Variants in KCNQ5 observed in about 807,000 individuals in gnomAD.
KCNQ5 encodes potassium voltage-gated channel subfamily Q member 5, also known as potassium voltage-gated channel subfamily KQT member 5.
A neutral mutation model predicts 98.2 loss-of-function variants in KCNQ5; 30 were observed. That is an observed-to-expected ratio of 0.31 (90% CI 0.23 to 0.41). KCNQ5 has a LOEUF of 0.41. Ranked by LOEUF, KCNQ5 falls within the 10% of genes least tolerant of loss-of-function variation. KCNQ5 has a pLI of 1.00. For synonymous variants in KCNQ5, 458 were observed against 449.4 expected (o/e 1.02, Z -0.24); for missense variants, 835 against 1,182.5 (o/e 0.71, Z 4.31).
intron 3 of KCNQ5, among the ~76,000 whole-genome samples, chr6:73,067,523 T>C (rs1773107379): frequency 6.6e-6 from 1 of 152,170 alleles, no homozygotes; most frequent in South Asian, 2.1e-4. Flanking sequence ...GCAAGATTAA[T>C]AGGCCCAAGG....
intron 1 of KCNQ5, chr6:72,987,821 G>GTT (rs34483022): frequency 9.2e-4 from 327 of 355,580 alleles, no homozygotes; most frequent in Non-Finnish European, 1.4e-3. Flanking sequence ...GAGATTACAA[G>GTT]TTTTTTTTGG....
intron 10 of KCNQ5, among the ~76,000 whole-genome samples, chr6:73,140,063 A>G (rs1346326934): frequency 6.6e-6 from 1 of 152,182 alleles, no homozygotes; most frequent in Non-Finnish European, 1.5e-5. Context: ...GAAAATATCA[A>G]GATCACTGAA....
At chr6:72,724,091 T>C (rs1770131045) in intron 1 of KCNQ5, among the ~76,000 whole-genome samples, 1 of 152,222 alleles carries the variant, frequency 6.6e-6, no homozygotes, top group Non-Finnish European at 1.5e-5. Flanking sequence ...TTTATATAGA[T>C]GTTTTCTCTG....
intron 7 of KCNQ5, among the ~76,000 whole-genome samples, chr6:73,119,182 A>G (rs1775643003): frequency 6.6e-6 from 1 of 152,220 alleles, no homozygotes; most frequent in Non-Finnish European, 1.5e-5. Context: ...CAAAATCTAT[A>G]TGGGAAAGTA....
chr6:72,718,117 GTGAAGAGTTTACCCTGTAT>G (rs1232970108), intron 1 of KCNQ5, among the ~76,000 whole-genome samples: 1 of 152,140 alleles, frequency 6.6e-6, no homozygotes, highest in Non-Finnish European at 1.5e-5. Flanking sequence ...TTGACTTTGG[GTGAAGAGTTTACCCTGTAT>G]TGCTAAAAAT....
At chr6:73,181,711 T>C (rs10498891) in intron 11 of KCNQ5, among the ~76,000 whole-genome samples, 8,708 of 152,302 alleles carry the variant, frequency 0.057, 283 homozygotes, top group Middle Eastern at 0.088. Flanking sequence ...TGTTAAAGTA[T>C]GAAGATCTTA....
intron 1 of KCNQ5, among the ~76,000 whole-genome samples, chr6:72,934,749 T>C (rs190438437): frequency 6.6e-6 from 1 of 152,328 alleles, no homozygotes; most frequent in African/African-American, 2.4e-5. Flanking sequence ...TTGTCTGGGC[T>C]CTCATAGCTC....
At chr6:73,002,334 G>T (rs1359851261) in intron 1 of KCNQ5, among the ~76,000 whole-genome samples, 5 of 152,074 alleles carry the variant, frequency 3.3e-5, no homozygotes, top group African/African-American at 1.2e-4. Context: ...TCAGCACACT[G>T]CATAGAGGCT....
chr6:73,023,216 G>C (rs990680149), intron 2 of KCNQ5, among the ~76,000 whole-genome samples: 8 of 152,186 alleles, frequency 5.3e-5, no homozygotes, highest in African/African-American at 1.9e-4. Flanking sequence ...TGTTTGAGGT[G>C]AGAGGCTGGA....
At chr6:72,696,221 G>C (rs564336773) in intron 1 of KCNQ5, among the ~76,000 whole-genome samples, 2 of 152,084 alleles carry the variant, frequency 1.3e-5, no homozygotes, top group African/African-American at 4.8e-5. Context: ...AATTTAAGAG[G>C]CCCTCATTAG....
In KCNQ5 at chr6:72,899,677, G is replaced by A. The variant is rs181341940; in HGVS notation, c.399-104231G>A. ...TTTTTTTATTTTTCCATAGATTATA[G>A]GGGTACAGGTGGTGTTTGATTACAT... On this transcript the variant is annotated intron_variant, in intron 1 of 13. Transcript: ENST00000370398. Among the ~76,000 whole-genome samples, 4 of 151,772 alleles carry A rather than the reference G, an allele frequency of 2.6e-5. No individual in the cohort carries two copies. The East Asian group carries it at 5.8e-4, about 22-fold the overall frequency.
At chr6:73,043,719 T>C (rs1771825043) in intron 3 of KCNQ5, among the ~76,000 whole-genome samples, 1 of 152,242 alleles carries the variant, frequency 6.6e-6, no homozygotes, top group Non-Finnish European at 1.5e-5. Context: ...CATTCCAGAT[T>C]TTAAAACCAA....
chr6:73,149,804 A>G (rs1011578413), intron 10 of KCNQ5, among the ~76,000 whole-genome samples: 1 of 143,658 alleles, frequency 7.0e-6, no homozygotes, highest in Non-Finnish European at 1.5e-5. Flanking sequence ...AAAAAAAAAA[A>G]AAAGAGAGAG....
intron 2 of KCNQ5, among the ~76,000 whole-genome samples, chr6:73,028,622 A>G (rs1273355135): frequency 6.6e-6 from 1 of 152,186 alleles, no homozygotes; most frequent in Non-Finnish European, 1.5e-5. Flanking sequence ...CTGCTTAGGA[A>G]AGAGTAAGAA....
chr6:72,881,222 C>T (rs1430758875), intron 1 of KCNQ5, among the ~76,000 whole-genome samples: 1 of 152,142 alleles, frequency 6.6e-6, no homozygotes, highest in East Asian at 1.9e-4. Flanking sequence ...TTGCTCATGG[C>T]CACACAGCTA....
At chr6:73,123,472 G>T (rs998069345) in intron 8 of KCNQ5, among the ~76,000 whole-genome samples, 1 of 152,148 alleles carries the variant, frequency 6.6e-6, no homozygotes, top group Admixed American at 6.5e-5. Flanking sequence ...CAGCTGTGCA[G>T]GGCAGAGAGA....
chr6:72,690,186 C>A (rs905843869), intron 1 of KCNQ5, among the ~76,000 whole-genome samples: 1 of 151,996 alleles, frequency 6.6e-6, no homozygotes, highest in African/African-American at 2.4e-5. Flanking sequence ...GCAAGAGAAT[C>A]GCCTGAACCC....
chr6:72,654,015 A>C (rs952742336), intron 1 of KCNQ5, among the ~76,000 whole-genome samples: 4 of 152,098 alleles, frequency 2.6e-5, no homozygotes, highest in African/African-American at 9.6e-5. Flanking sequence ...CCATAATGTA[A>C]GCACATAATG....
At chr6:73,072,598 G>A (rs1380873233) in intron 3 of KCNQ5, among the ~76,000 whole-genome samples, 1 of 152,172 alleles carries the variant, frequency 6.6e-6, no homozygotes, top group African/African-American at 2.4e-5. Context: ...TAATACTTGA[G>A]CAAAGTTCCA....
Sources: gnomAD v4.1 joint callset for allele counts (sites outside exome capture counted in the v4.1 genomes callset) on GRCh38, gnomAD v4.1.1 for gene constraint, MANE v1.5 for transcripts, NCBI Gene and HGNC (gene_info 2026-07-23, HGNC 2026-07-21) for gene names.